PPARGC1A: variants seen among roughly 807,000 people sequenced by gnomAD.
PPARGC1A encodes the protein peroxisome proliferator-activated receptor gamma coactivator 1-alpha.
In PPARGC1A, 25 loss-of-function variants were observed where a neutral mutation model predicts 88.7. The observed-to-expected ratio is 0.28, with a 90% CI of 0.21 to 0.39. The LOEUF (loss-of-function observed/expected upper bound fraction) is 0.39, where lower values mean the gene tolerates loss of function less well. Among genes scored for constraint, PPARGC1A ranks in the 10% least tolerant of loss-of-function variants. The pLI, the probability that PPARGC1A is intolerant of heterozygous loss-of-function variation, is 1.00. For synonymous variants in PPARGC1A, 363 were observed against 355.6 expected, an observed-to-expected ratio of 1.02 and a Z score of -0.24; for missense variants, 880 against 968.7, an observed-to-expected ratio of 0.91 and a Z score of 1.22.
At chr4:24,205,293 C>T in the PPARGC1A span, among the ~76,000 whole-genome samples, 3,829 of 152,266 alleles carry the variant, frequency 0.025, 149 homozygotes, top group East Asian at 0.094. Flanking sequence ...TGAATCATTT[C>T]ACTCATCTCT....
At chr4:23,832,962 T>C (rs1725316687) in intron 2 of PPARGC1A, among the ~76,000 whole-genome samples, 1 of 152,126 alleles carries the variant, frequency 6.6e-6, no homozygotes, top group Non-Finnish European at 1.5e-5. Flanking sequence ...TCTACCTTGT[T>C]TTTGATTCAT....
chr4:24,438,106 GC>G, the PPARGC1A span, among the ~76,000 whole-genome samples: 1 of 152,150 alleles, frequency 6.6e-6, no homozygotes, highest in Non-Finnish European at 1.5e-5. Context: ...ACCAGGGGTC[GC>G]CAGGGAGATG....
Position 23,824,296 on chromosome 4 carries a change from T to C in PPARGC1A, c.861A>G (p.Glu287=), listed in dbSNP as rs1390198453. The C allele has an allele frequency of 6.2e-7, 1 of 1,613,226 alleles. No homozygotes were observed. The highest frequency in any genetic ancestry group is 8.5e-7 in the Non-Finnish European group (1 of 1,179,560). The change falls in exon 7 of 13, where the codon GAA becomes GAG. Residue 287 remains glutamate (E), a synonymous_variant. Transcript: ENST00000264867. ...NKTIERTLSV[E]LSGTAGLTPP... ...AAGGCTTACCTGCAGTTCCAGAGAG[T>C]TCCACACTTAAGGTGCGTTCAATAG...
the PPARGC1A span, among the ~76,000 whole-genome samples, chr4:24,444,191 A>G: frequency 6.6e-6 from 1 of 151,942 alleles, no homozygotes; most frequent in Admixed American, 6.6e-5. Flanking sequence ...ACACCACCAC[A>G]TCGGTTAATT....
At chr4:24,451,133 T>A in the PPARGC1A span, among the ~76,000 whole-genome samples, 1 of 152,224 alleles carries the variant, frequency 6.6e-6, no homozygotes, top group South Asian at 2.1e-4. Context: ...CATTATTTTG[T>A]TTAATCTGAA....
the PPARGC1A span, among the ~76,000 whole-genome samples, chr4:24,371,569 G>T: frequency 6.6e-6 from 1 of 152,060 alleles, no homozygotes; most frequent in Non-Finnish European, 1.5e-5. Context: ...AGAGGAAAAG[G>T]AAAAGGTGGG....
intron 5 of PPARGC1A, among the ~76,000 whole-genome samples, chr4:23,825,696 C>T (rs1372564716): frequency 6.6e-6 from 1 of 152,086 alleles, no homozygotes; most frequent in African/African-American, 2.4e-5. Flanking sequence ...TGAAATTAGA[C>T]ACTTTACTTG....
chr4:24,075,312 T>C, the PPARGC1A span, among the ~76,000 whole-genome samples: 35 of 152,244 alleles, frequency 2.3e-4, 1 homozygote, highest in East Asian at 6.8e-3. Context: ...ACCAGAGTCA[T>C]CTCAATAAAG....
At chr4:24,085,334 A>T in the PPARGC1A span, among the ~76,000 whole-genome samples, 1 of 152,242 alleles carries the variant, frequency 6.6e-6, no homozygotes, top group Non-Finnish European at 1.5e-5. Context: ...AATGCTTTAC[A>T]GTAATAAAAG....
At chr4:24,430,809 G>A in the PPARGC1A span, among the ~76,000 whole-genome samples, 6 of 152,098 alleles carry the variant, frequency 3.9e-5, no homozygotes, top group Non-Finnish European at 7.4e-5. Context: ...TCTGAAGTAA[G>A]GCACAGACCC....
chr4:24,427,180 T>C, the PPARGC1A span, among the ~76,000 whole-genome samples: 1 of 152,200 alleles, frequency 6.6e-6, no homozygotes, highest in East Asian at 1.9e-4. Flanking sequence ...TCATTACAAA[T>C]TCACTTGTAT....
chr4:24,323,200 G>C, the PPARGC1A span, among the ~76,000 whole-genome samples: 1 of 152,096 alleles, frequency 6.6e-6, no homozygotes, highest in Non-Finnish European at 1.5e-5. Flanking sequence ...ATACAGCATG[G>C]GGGAGATTTT....
chr4:23,877,346 C>T (rs1228755737), intron 2 of PPARGC1A, among the ~76,000 whole-genome samples: 1 of 119,726 alleles, frequency 8.4e-6, no homozygotes, highest in Non-Finnish European at 1.7e-5. Context: ...GAAACCCCGT[C>T]TCTACTAAAA....
At chr4:23,846,600 C>T (rs2148643985) in intron 2 of PPARGC1A, among the ~76,000 whole-genome samples, 1 of 152,200 alleles carries the variant, frequency 6.6e-6, no homozygotes, top group Admixed American at 6.5e-5. Context: ...CTTCCTGGGA[C>T]TAGGAATCAT....
At chr4:23,893,283 C>G (rs542775669), upstream of PPARGC1A, among the ~76,000 whole-genome samples, 1 of 152,066 alleles carries the variant, frequency 6.6e-6, no homozygotes, top group Admixed American at 6.6e-5. Context: ...AAATTAAAGG[C>G]TTTTCCCATC....
chr4:24,276,027 A>G, the PPARGC1A span, among the ~76,000 whole-genome samples: 1 of 152,222 alleles, frequency 6.6e-6, no homozygotes. Flanking sequence ...ATAAATATAA[A>G]AACACTACAA....
the PPARGC1A span, among the ~76,000 whole-genome samples, chr4:24,173,353 A>C: frequency 6.6e-6 from 1 of 152,086 alleles, no homozygotes; most frequent in Admixed American, 6.5e-5. Flanking sequence ...AAAAAAAAAA[A>C]AAAAGAAAAA....
At chr4:24,300,696 T>C in the PPARGC1A span, among the ~76,000 whole-genome samples, 1 of 152,110 alleles carries the variant, frequency 6.6e-6, no homozygotes, top group African/African-American at 2.4e-5. Context: ...CAATTTCATT[T>C]GGATCACCAA....
the PPARGC1A span, among the ~76,000 whole-genome samples, chr4:24,343,862 C>T: frequency 6.6e-6 from 1 of 151,852 alleles, no homozygotes; most frequent in Non-Finnish European, 1.5e-5. Flanking sequence ...ATACATTGCA[C>T]CCTATTTGTA....
Sources: gnomAD v4.1 joint callset for allele counts (sites outside exome capture counted in the v4.1 genomes callset) on GRCh38, gnomAD v4.1.1 for gene constraint, MANE v1.5 for transcripts, NCBI Gene and HGNC (gene_info 2026-07-23, HGNC 2026-07-21) for gene names.